ZNF804B: variants seen among roughly 807,000 people sequenced by gnomAD.
The protein encoded by ZNF804B is zinc finger 804B.
ZNF804B carries 80 observed loss-of-function variants against 101.4 expected under a neutral mutation model. The observed-to-expected ratio is 0.79, with a 90% CI of 0.66 to 0.95. ZNF804B has a LOEUF of 0.95. Ranked by LOEUF, ZNF804B falls within the 40% of genes least tolerant of loss-of-function variation. The probability of loss-of-function intolerance (pLI) is 0.00; values close to 1 mark genes in which losing one functional copy is unlikely to be tolerated. For synonymous variants in ZNF804B, 622 were observed against 558.8 expected (o/e 1.11, Z -1.59); for missense variants, 1,673 against 1,561.9 (o/e 1.07, Z -1.20).
At chr7:88,986,713 A>G (rs190409732) in intron 1 of ZNF804B, among the ~76,000 whole-genome samples, 12 of 152,206 alleles carry the variant, frequency 7.9e-5, no homozygotes, top group African/African-American at 2.6e-4. Context: ...CACCAGAGAT[A>G]TAAATCTGCA....
At chr7:88,965,472 C>T (rs1191590236) in intron 1 of ZNF804B, among the ~76,000 whole-genome samples, 1 of 151,286 alleles carries the variant, frequency 6.6e-6, no homozygotes, top group African/African-American at 2.4e-5. Context: ...GAAGTTTAAC[C>T]TTGAAAGGGT....
intron 2 of ZNF804B, among the ~76,000 whole-genome samples, chr7:89,260,414 C>T (rs1789694114): frequency 6.6e-6 from 1 of 151,986 alleles, no homozygotes; most frequent in Non-Finnish European, 1.5e-5. Context: ...ACTTTCCCCT[C>T]AATGATTTTC....
intron 1 of ZNF804B, among the ~76,000 whole-genome samples, chr7:88,804,656 C>T (rs1790657490): frequency 6.6e-6 from 1 of 152,074 alleles, no homozygotes; most frequent in African/African-American, 2.4e-5. Context: ...TTTACACATA[C>T]AAATTTTATT....
intron 1 of ZNF804B, among the ~76,000 whole-genome samples, chr7:88,932,419 T>C (rs1434311788): frequency 2.0e-5 from 3 of 151,152 alleles, no homozygotes; most frequent in African/African-American, 7.3e-5. Context: ...ATAAATGAAA[T>C]TGAAACAAAA....
intron 1 of ZNF804B, among the ~76,000 whole-genome samples, chr7:88,930,470 A>G (rs1792865635): frequency 6.6e-6 from 1 of 151,982 alleles, no homozygotes; most frequent in Admixed American, 6.6e-5. Flanking sequence ...TTTCTAGTTG[A>G]ACAAATATCT....
chr7:89,235,522 C>T (rs1366756894), intron 2 of ZNF804B, among the ~76,000 whole-genome samples: 1 of 152,134 alleles, frequency 6.6e-6, no homozygotes, highest in Non-Finnish European at 1.5e-5. Flanking sequence ...AACTGGAATA[C>T]ATTTGAGATT....
At chr7:89,301,946 G>T (rs944599951) in intron 2 of ZNF804B, among the ~76,000 whole-genome samples, 6 of 151,736 alleles carry the variant, frequency 4.0e-5, no homozygotes, top group African/African-American at 1.5e-4. Flanking sequence ...CAAATGATAG[G>T]TATCAATATC....
At chr7:88,817,203 G>C (rs1452730884) in intron 1 of ZNF804B, among the ~76,000 whole-genome samples, 1 of 152,134 alleles carries the variant, frequency 6.6e-6, no homozygotes. Flanking sequence ...GACACAAGAA[G>C]GGGAACATCA....
rs187419676 is a variant in ZNF804B at position 89,073,445 on chromosome 7, G to A, written c.109-144710G>A. On this transcript the variant is annotated intron_variant, in intron 1 of 3. Coordinates refer to ENST00000333190, the MANE Select transcript of ZNF804B (RefSeq NM_181646.5). ...CCACATAAAGTTTTTATTAGAAAAG[G>A]CTGCTTATTTTTATCTAATAGGTTT... 3.6e-4 allele frequency among the ~76,000 whole-genome samples: 54 copies of A among 152,078 alleles called. 1 individual carries two copies. The East Asian group carries it at 5.8e-3, about 16-fold the overall frequency.
intron 1 of ZNF804B, among the ~76,000 whole-genome samples, chr7:88,934,265 A>C (rs887025702): frequency 6.6e-6 from 1 of 151,952 alleles, no homozygotes; most frequent in Non-Finnish European, 1.5e-5. Context: ...AAATCAGCTC[A>C]ATATGGATCA....
chr7:89,061,934 GTCAGTTATCTTGGTTTCCT>G (rs1211220581), intron 1 of ZNF804B, among the ~76,000 whole-genome samples: 1 of 152,022 alleles, frequency 6.6e-6, no homozygotes, highest in African/African-American at 2.4e-5. Context: ...TCTTGGCCAA[GTCAGTTATCTTGGTTTCCT>G]TCAAACATTC....
intron 1 of ZNF804B, among the ~76,000 whole-genome samples, chr7:89,131,787 T>C (rs573300728): frequency 5.9e-5 from 9 of 152,158 alleles, no homozygotes; most frequent in Admixed American, 3.9e-4. Context: ...TTACCTGTCA[T>C]AACTCCTCAT....
At chr7:89,317,160 T>A (rs938799752) in intron 2 of ZNF804B, among the ~76,000 whole-genome samples, 19 of 152,012 alleles carry the variant, frequency 1.2e-4, no homozygotes, top group Admixed American at 2.6e-4. Flanking sequence ...GAGAGTGAGG[T>A]AGGAGGTCAT....
chr7:88,760,084 G>A lies in ZNF804B; in HGVS notation c.108G>A (p.Pro36=). 1 of 1,613,076 alleles carries A rather than the reference G, an allele frequency of 6.2e-7. No homozygotes were observed. Among genetic ancestry groups the A allele is most frequent in the Middle Eastern group, 1.6e-4 (1 of 6,062 alleles). ...TGTGCAAGAACGGATCTCCCTCTCC[G>A]GTAATGTGCGCGCGCACACACATAC... ...GPLCKNGSPS[P]DFAEKKSTAK... Residue 36 remains proline (P), a splice_region_variant and synonymous_variant, in exon 1 of 4, where the codon CCG becomes CCA. Transcript: ENST00000333190.
At chr7:88,985,239 T>C (rs1793743123) in intron 1 of ZNF804B, among the ~76,000 whole-genome samples, 1 of 140,616 alleles carries the variant, frequency 7.1e-6, no homozygotes, top group Admixed American at 6.8e-5. Context: ...TAAACATTTG[T>C]GTTTGTTTAA....
chr7:88,920,394 T>A (rs1792703260), intron 1 of ZNF804B, among the ~76,000 whole-genome samples: 1 of 152,084 alleles, frequency 6.6e-6, no homozygotes, highest in Admixed American at 6.6e-5. Context: ...TAAAATGCAT[T>A]GTACAAATAC....
chr7:89,274,870 TC>T (rs1789954615), intron 2 of ZNF804B, among the ~76,000 whole-genome samples: 1 of 151,870 alleles, frequency 6.6e-6, no homozygotes, highest in Admixed American at 6.6e-5. Flanking sequence ...CCTTCACATC[TC>T]CCATCCTCCA....
chr7:89,142,535 G>T (rs1790732676), intron 1 of ZNF804B, among the ~76,000 whole-genome samples: 1 of 151,920 alleles, frequency 6.6e-6, no homozygotes, highest in Non-Finnish European at 1.5e-5. Flanking sequence ...TTGTCTTCAG[G>T]ATTGTACCAG....
At position 88,867,644 on chromosome 7, in the gene ZNF804B, C is replaced by T. The variant is rs193162626; in HGVS notation, c.108+107560C>T. On this transcript the variant is annotated intron_variant, in intron 1 of 3. Transcript: ENST00000333190. ...ACCAGTTTTCTTGGTATCCCCTAAT[C>T]CAGTCAAGTTGACACCTTGCTTACT... Among the ~76,000 whole-genome samples, 6 of 152,272 alleles carry T rather than the reference C, an allele frequency of 3.9e-5. No homozygotes were observed. The East Asian group carries it at 7.7e-4, about 20-fold the overall frequency.
Sources: allele counts gnomAD v4.1 joint callset (sites outside exome capture counted in the v4.1 genomes callset), GRCh38; gene constraint gnomAD v4.1.1; transcripts MANE v1.5; gene names NCBI Gene and HGNC (gene_info 2026-07-23, HGNC 2026-07-21).